The following RAPGEF1 variants were observed in gnomAD, a reference collection of about 807,000 sequenced individuals.
The protein encoded by RAPGEF1 is Rap guanine nucleotide exchange factor 1, also known as CRK SH3-binding GNRP.
RAPGEF1 carries 33 observed loss-of-function variants against 143.3 expected under a neutral mutation model. The ratio of observed to expected loss-of-function variants is 0.23; its 90% confidence interval spans 0.17 to 0.31. RAPGEF1 has a LOEUF of 0.31. Ranked by LOEUF, RAPGEF1 falls within the 10% of genes least tolerant of loss-of-function variation. The pLI is 1.00. For missense variants in RAPGEF1, 1,199 were observed against 1,645.4 expected (o/e 0.73, Z 4.69); for synonymous variants, 629 against 676.5 (o/e 0.93, Z 1.09).
At chr9:131,720,646 G>GGCTGCAAGTTATCAATTTGTCACAA (rs1180591321) in intron 1 of RAPGEF1, among the ~76,000 whole-genome samples, 10 of 152,122 alleles carry the variant, frequency 6.6e-5, no homozygotes, top group Non-Finnish European at 1.3e-4. Flanking sequence ...CAACATCACA[G>GGCTGCAAGTTATCAATTTGTCACAA]GCTGCAAGTT....
At chr9:131,590,817 T>C (rs1039840269) in intron 18 of RAPGEF1, among the ~76,000 whole-genome samples, 10 of 152,372 alleles carry the variant, frequency 6.6e-5, no homozygotes, top group Admixed American at 4.6e-4. Context: ...AGGCAGAGGC[T>C]GAGAGCCTGG....
At chr9:131,608,840 C>G (rs1957540515) in intron 12 of RAPGEF1, among the ~76,000 whole-genome samples, 2 of 152,182 alleles carry the variant, frequency 1.3e-5, no homozygotes, top group Admixed American at 1.3e-4. Context: ...TTCCCCAGAG[C>G]AATACTTCCA....
chr9:131,601,940 A>C (rs1358149153), intron 15 of RAPGEF1, 121 bp downstream of exon 15: 3 of 676,878 alleles, frequency 4.4e-6, no homozygotes, highest in African/African-American at 1.8e-5. Context: ...GGAAAGAAGG[A>C]AGAGTTTCAA....
intron 16 of RAPGEF1, 102 bp downstream of exon 16, chr9:131,598,097 T>C: frequency 9.7e-7 from 1 of 1,028,230 alleles, no homozygotes; most frequent in Non-Finnish European, 1.5e-6. Flanking sequence ...TCTCTAAGCC[T>C]CCTAGGGTTG....
intron 3 of RAPGEF1, among the ~76,000 whole-genome samples, chr9:131,647,733 A>G (rs1351392612): frequency 6.6e-6 from 1 of 152,210 alleles, no homozygotes; most frequent in African/African-American, 2.4e-5. Flanking sequence ...GGGACAGAAC[A>G]CAGACATCCA....
At chr9:131,702,015 C>T (rs1013878095) in intron 1 of RAPGEF1, among the ~76,000 whole-genome samples, 14 of 152,186 alleles carry the variant, frequency 9.2e-5, no homozygotes, top group African/African-American at 2.9e-4. Flanking sequence ...TTCACTCCAA[C>T]GCCCTGACGT....
chr9:131,620,129 G>A (rs879684279), intron 11 of RAPGEF1, among the ~76,000 whole-genome samples: 7 of 152,300 alleles, frequency 4.6e-5, no homozygotes, highest in South Asian at 2.1e-4. Context: ...CCCTGCAGGC[G>A]TGGTAGAACA....
chr9:131,620,770 GC>G (rs1418943183), intron 11 of RAPGEF1, among the ~76,000 whole-genome samples: 3 of 152,206 alleles, frequency 2.0e-5, no homozygotes, highest in Non-Finnish European at 4.4e-5. Flanking sequence ...ACTGGGCTGA[GC>G]CCCAGGTGAT....
At chr9:131,730,128 A>G (rs901530739) in intron 1 of RAPGEF1, among the ~76,000 whole-genome samples, 2 of 133,516 alleles carry the variant, frequency 1.5e-5, no homozygotes, top group African/African-American at 5.5e-5. Flanking sequence ...CGGGAGGTGG[A>G]GCTTGCAGTG....
chr9:131,603,857 G>T, intron 14 of RAPGEF1, 104 bp downstream of exon 14: 2 of 617,080 alleles, frequency 3.2e-6, no homozygotes, highest in Non-Finnish European at 4.9e-6. Context: ...CTAGGAGGGG[G>T]CTCAGCCCAA....
In RAPGEF1 at chr9:131,628,158, GGT is replaced by G. The variant is rs1187719341; in HGVS notation, c.1018-64_1018-63del. ...CTGAGAAACGGTGGCACAGACCAGG[GGT>G]GAGGCAACCGGTGCATTTACTTAGA... On this transcript the variant is annotated intron_variant, in intron 8 of 26. Transcript: ENST00000683357. This position sits in a 1 kb window ranked among gnomAD's most constrained non-coding sequence, Gnocchi z 5.7. 43 of 1,398,792 alleles carry G rather than the reference GGT, an allele frequency of 3.1e-5. No homozygotes were observed. The highest frequency in any genetic ancestry group is 3.9e-5 in the Non-Finnish European group (41 of 1,057,354). The allele number at this position is 1,398,792 out of a possible 1,614,324, so 86.6% of individuals were successfully genotyped here. A position where few individuals can be genotyped will look rare whatever the true frequency, so the allele number is the denominator to read the frequency against.
At chr9:131,608,150 C>T (rs769555223) in intron 12 of RAPGEF1, among the ~76,000 whole-genome samples, 3 of 152,158 alleles carry the variant, frequency 2.0e-5, no homozygotes, top group African/African-American at 4.8e-5. Flanking sequence ...AACAATAGCC[C>T]CTCCCCCATA....
chr9:131,635,902 C>G (rs1048298106), intron 5 of RAPGEF1, among the ~76,000 whole-genome samples: 1 of 152,208 alleles, frequency 6.6e-6, no homozygotes, highest in African/African-American at 2.4e-5. Flanking sequence ...ACAAAAAGCA[C>G]CCCATAAATG....
At chr9:131,688,336 A>T (rs555522263) in intron 1 of RAPGEF1, among the ~76,000 whole-genome samples, 2 of 152,350 alleles carry the variant, frequency 1.3e-5, no homozygotes, top group South Asian at 4.2e-4. Context: ...GAATAAAAGA[A>T]CCACAATTCA....
chr9:131,579,700 C>A, intron 26 of RAPGEF1, 53 bp from the exon 27 acceptor site: 1 of 1,583,094 alleles, frequency 6.3e-7, no homozygotes, highest in Non-Finnish European at 8.6e-7. Context: ...GCTGGATGGC[C>A]CGATGGCGCC....
rs1952304695 is a variant in RAPGEF1, at chr9:131,584,055, G to A, written c.3414+256C>T. Among the ~76,000 whole-genome samples the A allele has an allele frequency of 6.6e-6, 1 of 152,140 alleles. No individual in the cohort carries two copies. ...GAGGCGGGAACCCAGGGATGGGCCT[G>A]CTGGGTGGCAGCAGAACACCGGGAT... On this transcript the variant is annotated intron_variant, in intron 24 of 26. Transcript: ENST00000683357. This position sits in a 1 kb window ranked among gnomAD's most constrained non-coding sequence, Gnocchi z 6.8.
At position 131,584,263 on chromosome 9, in the gene RAPGEF1, G is replaced by C. The variant is rs778867435; in HGVS notation, c.3414+48C>G. The stretch of plus-strand genomic sequence containing the variant: ...ACAGCTAGTCGCCTGAGGGCTGGGC[G>C]GCCCCCCTTACCAGCCACCCTCCCG... On this transcript the variant is annotated intron_variant, in intron 24 of 26. Transcript: ENST00000683357. This position sits in a 1 kb window ranked among gnomAD's most constrained non-coding sequence, Gnocchi z 6.8. 25 of 1,505,256 alleles carry C rather than the reference G, an allele frequency of 1.7e-5. No homozygotes were observed. The highest frequency in any genetic ancestry group is 2.8e-5 in the African/African-American group (2 of 72,226). 93.2% of individuals were successfully genotyped at this position (1,505,256 alleles called of 1,614,324 possible).
rs1958499307 is a variant in RAPGEF1, at chr9:131,614,142, C to CCG, written c.2061+4908_2061+4909insCG. Among the ~76,000 whole-genome samples, 4 of 149,470 alleles carry CCG rather than the reference C, an allele frequency of 2.7e-5. No individual in the cohort carries two copies. The South Asian group carries it at 8.6e-4, about 32-fold the overall frequency. On this transcript the variant is annotated intron_variant, in intron 12 of 26. Transcript: ENST00000683357. Reference sequence around the variant, plus strand: ...GTCAGACCAGTGTGTGCACCAACACCCCCCCCCAAGGAGGGGCTGCCTTGA... The same window carrying CCG: ...GTCAGACCAGTGTGTGCACCAACACCCGCCCCCCCAAGGAGGGGCTGCCTTGA...
chr9:131,734,299 C>T (rs1287560769), intron 1 of RAPGEF1, among the ~76,000 whole-genome samples: 1 of 152,164 alleles, frequency 6.6e-6, no homozygotes, highest in African/African-American at 2.4e-5. Flanking sequence ...CCCTGAGGGG[C>T]AAAAGAGGGA....
Sources: allele counts gnomAD v4.1 joint callset (sites outside exome capture counted in the v4.1 genomes callset), GRCh38; gene constraint gnomAD v4.1.1; non-coding constraint Gnocchi (gnomAD v3.1); transcripts MANE v1.5; gene names NCBI Gene and HGNC (gene_info 2026-07-23, HGNC 2026-07-21).